The following HNF4A variants were observed in gnomAD, a reference collection of about 807,000 sequenced individuals.
HNF4A encodes hepatocyte nuclear factor 4 alpha.
A neutral mutation model predicts 52.4 loss-of-function variants in HNF4A; 15 were observed. The observed-to-expected ratio is 0.29, with a 90% CI of 0.19 to 0.44. The LOEUF is 0.44. HNF4A is among the 20% of genes least tolerant of loss of function. The pLI is 1.00. For missense variants in HNF4A, 479 were observed against 647.2 expected, an observed-to-expected ratio of 0.74 and a Z score of 2.82; for synonymous variants, 280 against 264.4, an observed-to-expected ratio of 1.06 and a Z score of -0.57.
At chr20:44,390,466 T>C in intron 1 of HNF4A, 1 of 598,206 alleles carries the variant, frequency 1.7e-6, no homozygotes, top group Non-Finnish European at 3.0e-6. Flanking sequence ...AGGTCTGCAG[T>C]TTCCATGGAG....
chr20:44,386,128 G>A (rs2063219768), intron 1 of HNF4A, among the ~76,000 whole-genome samples: 1 of 149,876 alleles, frequency 6.7e-6, no homozygotes, highest in African/African-American at 2.5e-5. Context: ...TGGGATTACA[G>A]GCGTGAGCCA....
At position 44,430,682 on chromosome 20, in the gene HNF4A, C is replaced by T. The variant is rs1369050616; in HGVS notation, c.*1017C>T. On this transcript the variant is annotated 3_prime_UTR_variant, in exon 10 of 10. Coordinates refer to ENST00000316099, the MANE Select transcript of HNF4A (RefSeq NM_000457.6). ...GGGTCTGGAACACCAGGCTGAGGTCCTGATCAGCTTCAAGGAGTATGCAGG... is the reference window on the plus strand; with the variant it reads ...GGGTCTGGAACACCAGGCTGAGGTCTTGATCAGCTTCAAGGAGTATGCAGG... 2.6e-5 allele frequency: 4 copies of T among 152,520 alleles called. No homozygotes were observed. The highest frequency in any genetic ancestry group is 9.7e-5 in the African/African-American group (4 of 41,446). 9.4% of individuals were successfully genotyped at this position (152,520 alleles called of 1,614,324 possible). A position where few individuals can be genotyped will look rare whatever the true frequency, so the allele number is the denominator to read the frequency against.
chr20:44,371,128 C>T (rs2063029233), intron 1 of HNF4A, among the ~76,000 whole-genome samples: 1 of 152,224 alleles, frequency 6.6e-6, no homozygotes, highest in African/African-American at 2.4e-5. Context: ...CAGCTGCCTG[C>T]AGGGCTCAGC....
At chr20:44,381,195 C>G (rs185258463) in intron 1 of HNF4A, among the ~76,000 whole-genome samples, 172 of 151,974 alleles carry the variant, frequency 1.1e-3, no homozygotes, top group Non-Finnish European at 2.1e-3. Flanking sequence ...AGAAAGATCT[C>G]CATTTTGAGC....
chr20:44,364,336 C>T (rs991054350), intron 1 of HNF4A, among the ~76,000 whole-genome samples: 9 of 152,192 alleles, frequency 5.9e-5, no homozygotes, highest in East Asian at 3.8e-4. Context: ...CCACTGCACC[C>T]GGCACTCTGT....
chr20:44,361,261 T>C (rs967986818), intron 1 of HNF4A, among the ~76,000 whole-genome samples: 1 of 152,182 alleles, frequency 6.6e-6, no homozygotes, highest in South Asian at 2.1e-4. Flanking sequence ...TCCAAGAGTC[T>C]GTAATTTTTT....
chr20:44,414,429 AG>A (rs1279458699), intron 4 of HNF4A, 77 bp from the exon 5 acceptor site: 115 of 1,598,376 alleles, frequency 7.2e-5, no homozygotes, highest in Non-Finnish European at 9.8e-5. Context: ...GATTCCAGGG[AG>A]GGGGCTCTGT....
At chr20:44,425,588 C>T (rs2063805617) in intron 8 of HNF4A, among the ~76,000 whole-genome samples, 1 of 151,748 alleles carries the variant, frequency 6.6e-6, no homozygotes, top group Admixed American at 6.6e-5. Context: ...AACAACAAGA[C>T]ACTGGGTCTG....
In HNF4A at chr20:44,378,874, G is replaced by A. The variant is rs139411572; in HGVS notation, c.49+23021G>A. 4.9e-3 allele frequency among the ~76,000 whole-genome samples: 721 copies of A among 148,374 alleles called. 4 individuals are homozygous for A. The highest frequency in any genetic ancestry group is 0.014 in the Middle Eastern group (4 of 286). On this transcript the variant is annotated intron_variant, in intron 1 of 9. Coordinates refer to the HNF4A transcript ENST00000316673. ...GTGGAGGTTGCAGTGAGCCGAGATC[G>A]CACCACTGCACTCCAGCCTGGGCCA... is the stretch of plus-strand genomic sequence containing the variant.
Position 44,414,548 on chromosome 20 carries a change from G to C in HNF4A, c.534G>C (p.Ala178=). The change falls in exon 5 of 10, where the codon GCG becomes GCC. Residue 178 remains alanine (A), a synonymous_variant. Coordinates refer to ENST00000316099, the MANE Select transcript of HNF4A (RefSeq NM_000457.6). Reference sequence around the variant, plus strand: ...CCGGGATCAACGGCGACATTCGGGCGAAGAAGATTGCCAGCATCGCAGATG... The same window carrying C: ...CCGGGATCAACGGCGACATTCGGGCCAAGAAGATTGCCAGCATCGCAGATG... 6.2e-7 allele frequency: 1 copy of C among 1,614,210 alleles called. No individual in the cohort carries two copies.
At chr20:44,378,843 C>T (rs983032650) in intron 1 of HNF4A, among the ~76,000 whole-genome samples, 12 of 150,894 alleles carry the variant, frequency 8.0e-5, no homozygotes, top group East Asian at 2.0e-4. Flanking sequence ...CGCTTGAACC[C>T]GGGAAGTGGA....
At chr20:44,434,058 C>A (rs1232913274), downstream of HNF4A, 1 of 152,246 alleles carries the variant, frequency 6.6e-6, no homozygotes, top group East Asian at 1.9e-4. Context: ...CCATGGGATG[C>A]CTACATATGG....
intron 6 of HNF4A, among the ~76,000 whole-genome samples, chr20:44,418,758 G>T: frequency 6.6e-6 from 1 of 152,120 alleles, no homozygotes; most frequent in East Asian, 1.9e-4. Context: ...CACGATCAGG[G>T]TTATCCCTGG....
At chr20:44,416,200 T>C (rs1246225112) in intron 5 of HNF4A, among the ~76,000 whole-genome samples, 1 of 152,052 alleles carries the variant, frequency 6.6e-6, no homozygotes, top group East Asian at 1.9e-4. Flanking sequence ...GGTTCCCAGC[T>C]CCCCATTCCT....
At chr20:44,415,663 A>G (rs1030876681) in intron 5 of HNF4A, among the ~76,000 whole-genome samples, 18 of 152,314 alleles carry the variant, frequency 1.2e-4, no homozygotes, top group Admixed American at 3.3e-4. Flanking sequence ...AAAGCTTCTG[A>G]GAAGTCTCGT....
rs570920795 is a variant in HNF4A, at chr20:44,357,562, C to T, written c.49+1709C>T. On this transcript the variant is annotated intron_variant, in intron 1 of 9. Coordinates refer to the HNF4A transcript ENST00000316673. ...CTTAAAGGATGATACAATAATATAACCTGACAGCCTTTCACTGTCTCCCAC... is the reference window on the plus strand; with the variant it reads ...CTTAAAGGATGATACAATAATATAATCTGACAGCCTTTCACTGTCTCCCAC... 7.9e-5 allele frequency among the ~76,000 whole-genome samples: 12 copies of T among 152,244 alleles called. No homozygotes were observed. In the East Asian group the frequency reaches 1.5e-3, roughly 20 times the overall value.
In HNF4A at chr20:44,396,108, C is replaced by T. The variant is rs1039626890; in HGVS notation, c.50-9950C>T. On this transcript the variant is annotated intron_variant, in intron 1 of 9. Coordinates refer to the HNF4A transcript ENST00000316673. ...TCCAGGAGTCATGATGCAGGCAATG[C>T]GTAGAGGGGTGAAGCCCTCAAGCTC... 3.9e-5 allele frequency among the ~76,000 whole-genome samples: 6 copies of T among 152,134 alleles called. No individual in the cohort carries two copies. In the East Asian group the frequency reaches 5.8e-4, roughly 15 times the overall value.
intron 3 of HNF4A, 145 bp from the exon 4 acceptor site, chr20:44,413,548 GC>G: frequency 2.8e-6 from 2 of 701,940 alleles, no homozygotes; most frequent in South Asian, 3.0e-5. Flanking sequence ...TGAGTTAGAG[GC>G]CATCTCCCCT....
intron 3 of HNF4A, among the ~76,000 whole-genome samples, chr20:44,407,721 C>T (rs1363895138): frequency 1.3e-5 from 2 of 151,954 alleles, no homozygotes; most frequent in African/African-American, 4.8e-5. Flanking sequence ...ACCACCACCC[C>T]TGCCTGCCTG....
Sources: allele counts gnomAD v4.1 joint callset (sites outside exome capture counted in the v4.1 genomes callset), GRCh38; gene constraint gnomAD v4.1.1; transcripts MANE v1.5; gene names NCBI Gene and HGNC (gene_info 2026-07-23, HGNC 2026-07-21).